NARS2: variants seen among roughly 807,000 people sequenced by gnomAD.
NARS2 encodes the protein asparaginyl-tRNA synthetase 2, mitochondrial.
In NARS2, 60 loss-of-function variants were observed where a neutral mutation model predicts 62.9. The ratio of observed to expected loss-of-function variants is 0.95; its 90% CI spans 0.77 to 1.18. The LOEUF is 1.18. NARS2 is among the 50% of genes most tolerant of loss of function. The pLI, the probability that NARS2 is intolerant of heterozygous loss-of-function variation, is 0.00. For synonymous variants in NARS2, 196 were observed against 200.0 expected (o/e 0.98, Z 0.17); for missense variants, 619 against 576.4 (o/e 1.07, Z -0.76).
chr11:78,559,664 A>C, intron 4 of NARS2, 45 bp from the exon 5 acceptor site: 1 of 1,308,724 alleles, frequency 7.6e-7, no homozygotes, highest in Non-Finnish European at 1.1e-6. Context: ...CACATTCAAC[A>C]ATTCCAAGAA....
At chr11:78,571,262 T>C in intron 2 of NARS2, 73 bp downstream of exon 2, 1 of 890,812 alleles carries the variant, frequency 1.1e-6, no homozygotes, top group Non-Finnish European at 1.9e-6. Flanking sequence ...ACGTAAACAC[T>C]GGAGTAGGGA....
chr11:78,574,216 G>A lies in NARS2; in HGVS notation c.141+132C>T. ...ATGGAAATCAGAAAAGTGCAAACCC[G>A]CGACGCCTACACTTTCTAACTTTTC... On this transcript the variant is annotated intron_variant, in intron 1 of 13. Transcript: ENST00000281038. 9.8e-6 allele frequency: 11 copies of A among 1,123,020 alleles called. No individual in the cohort carries two copies. The South Asian group carries it at 1.5e-4, about 15-fold the overall frequency. 69.6% of individuals were successfully genotyped at this position (1,123,020 alleles called of 1,614,324 possible).
At chr11:78,495,094 G>C (rs1860001971) in intron 6 of NARS2, among the ~76,000 whole-genome samples, 1 of 152,098 alleles carries the variant, frequency 6.6e-6, no homozygotes, top group South Asian at 2.1e-4. Context: ...TCTTCCTCCA[G>C]TCCCAAACTA....
At chr11:78,504,378 T>C (rs546435869) in intron 6 of NARS2, among the ~76,000 whole-genome samples, 2 of 151,804 alleles carry the variant, frequency 1.3e-5, no homozygotes, top group East Asian at 1.9e-4. Flanking sequence ...TAAAGATCTA[T>C]GTGACACATG....
intron 7 of NARS2, among the ~76,000 whole-genome samples, chr11:78,479,435 C>T (rs540146483): frequency 1.3e-5 from 2 of 152,014 alleles, no homozygotes; most frequent in South Asian, 2.1e-4. Flanking sequence ...CTTGAGCCTG[C>T]GAGGTTGAGG....
intron 6 of NARS2, among the ~76,000 whole-genome samples, chr11:78,506,471 C>G (rs559325800): frequency 6.6e-6 from 1 of 152,290 alleles, no homozygotes; most frequent in South Asian, 2.1e-4. Context: ...GGGAAGATGG[C>G]AGAGAAGAAA....
At chr11:78,571,292 GA>G in intron 2 of NARS2, 42 bp downstream of exon 2, 1 of 1,371,436 alleles carries the variant, frequency 7.3e-7, no homozygotes, top group South Asian at 1.2e-5. Context: ...CACTAGAGGT[GA>G]AAAACAAAAA....
At chr11:78,544,909 G>A (rs1855795930) in intron 5 of NARS2, among the ~76,000 whole-genome samples, 1 of 152,092 alleles carries the variant, frequency 6.6e-6, no homozygotes, top group South Asian at 2.1e-4. Flanking sequence ...GAACACGGGA[G>A]GCAGAGGTTG....
At position 78,452,580 on chromosome 11, in the gene NARS2, A is replaced by AT. The variant is rs199508188; in HGVS notation, c.1165-8823dup. On this transcript the variant is annotated intron_variant, in intron 11 of 13. Coordinates refer to ENST00000281038, the MANE Select transcript of NARS2 (RefSeq NM_024678.6). ...CAGGTTACCACACCAGGTTAATATT[A>AT]TTTTTTTTTGTACAGACAGGGTCTC... 2.9e-4 allele frequency among the ~76,000 whole-genome samples: 43 copies of AT among 150,778 alleles called. No individual in the cohort carries two copies. In the East Asian group the frequency reaches 4.7e-3, roughly 16 times the overall value.
At chr11:78,547,205 C>T (rs965102304) in intron 5 of NARS2, among the ~76,000 whole-genome samples, 2 of 151,904 alleles carry the variant, frequency 1.3e-5, no homozygotes, top group African/African-American at 4.8e-5. Flanking sequence ...GTGGTGCACA[C>T]CCATAGTACT....
rs1190417130 is a variant in NARS2 at position 78,467,567 on chromosome 11, A to AAATT, written c.1027-1558_1027-1555dup. On this transcript the variant is annotated intron_variant, in intron 10 of 13. Transcript: ENST00000281038. The stretch of plus-strand genomic sequence containing the variant: ...AAAATAAATAAATAAATAAATAAAT[A>AAATT]AATTAATTAATTAATTAAATACAAT... Among the ~76,000 whole-genome samples, 504 of 133,586 alleles carry AAATT rather than the reference A, an allele frequency of 3.8e-3. 4 individuals carry two copies. The highest frequency in any genetic ancestry group is 4.7e-3 in the Admixed American group (58 of 12,350). 87.6% of individuals were successfully genotyped at this position (133,586 alleles called of 152,430 possible).
At chr11:78,556,078 G>A (rs559254999) in intron 5 of NARS2, among the ~76,000 whole-genome samples, 16 of 152,274 alleles carry the variant, frequency 1.1e-4, no homozygotes, top group Non-Finnish European at 1.8e-4. Flanking sequence ...ATTTGTTGAA[G>A]ATTGTTTTAT....
At chr11:78,552,455 C>T (rs1216423360) in intron 5 of NARS2, among the ~76,000 whole-genome samples, 1 of 152,158 alleles carries the variant, frequency 6.6e-6, no homozygotes, top group Admixed American at 6.5e-5. Flanking sequence ...AATGAACATT[C>T]ACGTGCATGT....
intron 11 of NARS2, chr11:78,443,973 T>C (rs779785621): frequency 2.2e-5 from 7 of 312,230 alleles, no homozygotes; most frequent in Non-Finnish European, 3.0e-5. Flanking sequence ...ATAAATGTGA[T>C]AGAAATGTTA....
chr11:78,559,556 C>G lies in NARS2; in HGVS notation c.577G>C (p.Glu193Gln). ...AAACTTACTTCAAGTTGAAAAAGTT[C>G]TCCAGCTCCCTCAGAGTCATTGGAT... ...ITSNDSEGAG[E>Q]LFQLEPSGKL... Residue 193 changes from glutamate (E) to glutamine (Q), a missense_variant, in exon 5 of 14, where the codon GAA (glutamate) becomes CAA (glutamine). Glu to Gln is a conservative substitution (Grantham distance 29). Transcript: ENST00000281038. The G allele has an allele frequency of 6.2e-7, 1 of 1,611,836 alleles. No individual in the cohort carries two copies. The highest frequency in any genetic ancestry group is 1.1e-5 in the South Asian group (1 of 91,010).
At position 78,525,644 on chromosome 11, in the gene NARS2, T is replaced by A. The variant is rs568357541; in HGVS notation, c.689+3198A>T. ...ATAGAATTCCAAACATTCTCCCTCC[T>A]GCGGGTAGTTCTTAACTCCATCTCC... On this transcript the variant is annotated intron_variant, in intron 6 of 13. Transcript: ENST00000281038. 4.0e-3 allele frequency among the ~76,000 whole-genome samples: 607 copies of A among 152,218 alleles called. 4 individuals are homozygous for A. The highest frequency in any genetic ancestry group is 7.1e-3 in the Non-Finnish European group (481 of 67,952).
intron 9 of NARS2, among the ~76,000 whole-genome samples, chr11:78,470,792 C>T (rs1220253698): frequency 6.6e-6 from 1 of 151,738 alleles, no homozygotes; most frequent in Non-Finnish European, 1.5e-5. Context: ...AAAGATATTG[C>T]CCCCTTTTAT....
At chr11:78,563,183 T>C (rs1856610427) in intron 4 of NARS2, among the ~76,000 whole-genome samples, 1 of 151,628 alleles carries the variant, frequency 6.6e-6, no homozygotes, top group Non-Finnish European at 1.5e-5. Context: ...TCACGAATGG[T>C]GCTAAAATTC....
chr11:78,484,228 T>TA (rs918550084), intron 7 of NARS2, among the ~76,000 whole-genome samples: 1 of 151,810 alleles, frequency 6.6e-6, no homozygotes, highest in African/African-American at 2.4e-5. Flanking sequence ...ACACCTTATA[T>TA]AAAAACTAAC....
Sources: allele counts gnomAD v4.1 joint callset (sites outside exome capture counted in the v4.1 genomes callset), GRCh38; gene constraint gnomAD v4.1.1; transcripts MANE v1.5; gene names NCBI Gene and HGNC (gene_info 2026-07-23, HGNC 2026-07-21).